Variants in RBFOX1 observed in about 807,000 individuals in gnomAD.
RBFOX1 encodes the protein RNA binding protein fox-1 homolog 1.
Under a neutral mutation model 57.7 loss-of-function variants are expected in RBFOX1, and 8 were observed. The observed-to-expected ratio is 0.14, with a 90% confidence interval of 0.08 to 0.25. RBFOX1 has a LOEUF of 0.25. Among genes scored for constraint, RBFOX1 ranks in the 10% least tolerant of loss-of-function variants. The pLI, the probability that RBFOX1 is intolerant of heterozygous loss-of-function variation, is 1.00. For missense variants in RBFOX1, 611 were observed against 548.5 expected (o/e 1.11, Z -1.14); for synonymous variants, 326 against 222.4 (o/e 1.47, Z -4.15).
At chr16:5,827,436 G>A (rs1015164759) in intron 3 of RBFOX1, among the ~76,000 whole-genome samples, 20 of 149,220 alleles carry the variant, frequency 1.3e-4, no homozygotes, top group Non-Finnish European at 2.7e-4. Context: ...AGAAAAAGCT[G>A]CATTGAACAA....
intron 4 of RBFOX1, among the ~76,000 whole-genome samples, chr16:7,150,677 T>C (rs1382166012): frequency 6.6e-6 from 1 of 152,230 alleles, no homozygotes; most frequent in Non-Finnish European, 1.5e-5. Flanking sequence ...AGTAAAGTGA[T>C]GTTTAGAAAG....
intron 3 of RBFOX1, among the ~76,000 whole-genome samples, chr16:5,642,779 G>T (rs1011084334): frequency 8.5e-5 from 13 of 152,094 alleles, no homozygotes; most frequent in Non-Finnish European, 1.8e-4. Context: ...TCCTCTGATG[G>T]TGTTCTCCCC....
chr16:7,069,789 C>T (rs947840473), intron 4 of RBFOX1, among the ~76,000 whole-genome samples: 7 of 152,110 alleles, frequency 4.6e-5, no homozygotes, highest in African/African-American at 1.7e-4. Context: ...TGGGCACTTG[C>T]TCGTTAACAA....
At chr16:6,038,264 C>G (rs1226364862) in intron 1 of RBFOX1, 1 of 150,460 alleles carries the variant, frequency 6.6e-6, no homozygotes, top group African/African-American at 2.4e-5. Context: ...CCACTGCAGC[C>G]TCCGCCTCCT....
At chr16:7,031,569 C>G (rs932858151) in intron 3 of RBFOX1, among the ~76,000 whole-genome samples, 1 of 151,464 alleles carries the variant, frequency 6.6e-6, no homozygotes, top group Non-Finnish European at 1.5e-5. Context: ...CCACTGCACT[C>G]CAGCCGAGGC....
chr16:6,947,438 A>G (rs745426627), intron 3 of RBFOX1, among the ~76,000 whole-genome samples: 13 of 152,174 alleles, frequency 8.5e-5, no homozygotes, highest in Non-Finnish European at 1.6e-4. Context: ...ACTGGCTTCA[A>G]CTGGCCGTAT....
intron 4 of RBFOX1, among the ~76,000 whole-genome samples, chr16:7,412,759 A>G (rs1206755203): frequency 1.3e-5 from 2 of 152,210 alleles, no homozygotes; most frequent in East Asian, 1.9e-4. Flanking sequence ...TCATGGAATT[A>G]CGACTGGGCA....
At chr16:6,280,724 C>G (rs141861882) in intron 1 of RBFOX1, among the ~76,000 whole-genome samples, 1 of 152,018 alleles carries the variant, frequency 6.6e-6, no homozygotes, top group Non-Finnish European at 1.5e-5. Flanking sequence ...GGAAACATCA[C>G]GGTTTATGTG....
chr16:6,355,449 G>A (rs969898423), intron 2 of RBFOX1, among the ~76,000 whole-genome samples: 1 of 152,106 alleles, frequency 6.6e-6, no homozygotes, highest in African/African-American at 2.4e-5. Context: ...GCATGTCCCT[G>A]CAAAGGACAT....
intron 3 of RBFOX1, among the ~76,000 whole-genome samples, chr16:5,756,410 T>TG (rs2053398988): frequency 6.6e-6 from 1 of 152,068 alleles, no homozygotes; most frequent in African/African-American, 2.4e-5. Context: ...ACCGTTTTTC[T>TG]TCTTGCTTAG....
intron 7 of RBFOX1, among the ~76,000 whole-genome samples, chr16:7,590,073 C>T (rs1245391028): frequency 6.6e-6 from 1 of 151,950 alleles, no homozygotes; most frequent in African/African-American, 2.4e-5. Context: ...CAAGACCAGC[C>T]TGGACAACAG....
intron 3 of RBFOX1, among the ~76,000 whole-genome samples, chr16:6,769,671 C>A (rs1046695013): frequency 6.6e-5 from 10 of 152,162 alleles, no homozygotes; most frequent in African/African-American, 2.2e-4. Flanking sequence ...TCTTCCATAT[C>A]CCTCTCTGCT....
At chr16:6,633,669 C>A (rs1300017542) in intron 2 of RBFOX1, among the ~76,000 whole-genome samples, 1 of 151,940 alleles carries the variant, frequency 6.6e-6, no homozygotes, top group Non-Finnish European at 1.5e-5. Context: ...TGGTTTCCAG[C>A]CAGTTACTGA....
intron 2 of RBFOX1, among the ~76,000 whole-genome samples, chr16:6,427,605 TGAG>T (rs1322540698): frequency 2.0e-5 from 3 of 152,220 alleles, no homozygotes; most frequent in Non-Finnish European, 1.5e-5. Flanking sequence ...GTAAAAATGT[TGAG>T]GAGGACGTGG....
chr16:6,153,269 T>G (rs2096812797), intron 1 of RBFOX1, among the ~76,000 whole-genome samples: 1 of 152,106 alleles, frequency 6.6e-6, no homozygotes, highest in Non-Finnish European at 1.5e-5. Context: ...AATTTATAAT[T>G]GACCCTTGTT....
intron 4 of RBFOX1, among the ~76,000 whole-genome samples, chr16:7,070,186 G>T (rs1046024171): frequency 3.3e-5 from 5 of 152,176 alleles, no homozygotes; most frequent in African/African-American, 1.2e-4. Context: ...CTCACTGAGC[G>T]ATCAGAGCAC....
At chr16:7,218,667 T>TGTGTGTGTCGTGC (rs2092464192) in intron 4 of RBFOX1, among the ~76,000 whole-genome samples, 1 of 148,096 alleles carries the variant, frequency 6.8e-6, no homozygotes, top group African/African-American at 2.5e-5. Context: ...TGTGTGTGTG[T>TGTGTGTGTCGTGC]GTGTGTGTGT....
At chr16:6,619,198 T>C (rs974889873) in intron 2 of RBFOX1, among the ~76,000 whole-genome samples, 4 of 152,088 alleles carry the variant, frequency 2.6e-5, no homozygotes, top group Non-Finnish European at 5.9e-5. Flanking sequence ...TGATGTCTCA[T>C]GCCTCTGTCC....
intron 2 of RBFOX1, among the ~76,000 whole-genome samples, chr16:6,395,292 C>A (rs1013614): frequency 0.34 from 51,890 of 152,050 alleles, 9,235 homozygotes; most frequent in Admixed American, 0.44. Flanking sequence ...CCAACAAAGT[C>A]AGATTTCAAA....
Sources: allele counts gnomAD v4.1 joint callset (sites outside exome capture counted in the v4.1 genomes callset), GRCh38; gene constraint gnomAD v4.1.1; transcripts MANE v1.5; gene names NCBI Gene and HGNC (gene_info 2026-07-23, HGNC 2026-07-21).